The following MED15 variants were observed in gnomAD, a reference collection of about 807,000 sequenced individuals.
MED15 encodes the protein mediator of RNA polymerase II transcription subunit 15.
In MED15, 41 loss-of-function variants were observed where a neutral mutation model predicts 118.7. The ratio of observed to expected loss-of-function variants is 0.35; its 90% CI spans 0.27 to 0.45. The LOEUF (loss-of-function observed/expected upper bound fraction) is 0.45. Among genes scored for constraint, MED15 ranks in the 20% least tolerant of loss-of-function variants. The probability of loss-of-function intolerance (pLI) is 1.00; values close to 1 mark genes in which losing one functional copy is unlikely to be tolerated. For synonymous variants in MED15, 436 were observed against 413.9 expected, an observed-to-expected ratio of 1.05 and a Z score of -0.65; for missense variants, 740 against 1,025.5, an observed-to-expected ratio of 0.72 and a Z score of 3.80.
chr22:20,510,510 G>A (rs1227436066), intron 1 of MED15, among the ~76,000 whole-genome samples: 1 of 152,174 alleles, frequency 6.6e-6, no homozygotes, highest in Admixed American at 6.5e-5. Flanking sequence ...ACGTTGGCAG[G>A]GTGCATTTCT....
chr22:20,550,100 C>T (rs1159540685), intron 2 of MED15, among the ~76,000 whole-genome samples: 1 of 152,178 alleles, frequency 6.6e-6, no homozygotes, highest in Non-Finnish European at 1.5e-5. Context: ...CCCCCAGGCC[C>T]TTCTCCCCTC....
chr22:20,566,935 AG>A, intron 7 of MED15, 118 bp downstream of exon 7: 1 of 1,519,182 alleles, frequency 6.6e-7, no homozygotes, highest in Non-Finnish European at 8.8e-7. Context: ...GACTTCAGGC[AG>A]CCCCCACCCC....
chr22:20,559,466 C>T (rs1347901747), intron 5 of MED15, among the ~76,000 whole-genome samples: 2 of 152,014 alleles, frequency 1.3e-5, no homozygotes, highest in Non-Finnish European at 2.9e-5. Flanking sequence ...CCAAGCAAAG[C>T]CCCGGAAGGA....
intron 1 of MED15, among the ~76,000 whole-genome samples, chr22:20,533,585 G>A (rs957437560): frequency 7.2e-5 from 11 of 152,144 alleles, no homozygotes; most frequent in South Asian, 2.1e-4. Flanking sequence ...GCGCCTTGCC[G>A]GAGGAGCACC....
intron 1 of MED15, chr22:20,508,335 GT>G (rs1569159187): frequency 7.7e-7 from 1 of 1,304,134 alleles, no homozygotes; most frequent in East Asian, 5.5e-5. Context: ...AAGAGCTGGG[GT>G]CAGTGGCCCC....
At chr22:20,557,895 A>G (rs1200646329) in intron 5 of MED15, among the ~76,000 whole-genome samples, 1 of 152,202 alleles carries the variant, frequency 6.6e-6, no homozygotes, top group East Asian at 1.9e-4. Context: ...TCACGAGGTC[A>G]GGAGATCGAG....
chr22:20,551,432 T>G lies in MED15; in HGVS notation c.157-4T>G. On this transcript the variant is annotated splice_polypyrimidine_tract_variant and splice_region_variant and intron_variant, in intron 2 of 17. Transcript: ENST00000263205. ...ATTAAACTGCTTCCTGTTTTTACTT[T>G]TAGGACGAATACCTTTCTCTCGTGG... is the stretch of plus-strand genomic sequence containing the variant. The G allele has an allele frequency of 6.2e-7, 1 of 1,613,916 alleles. No individual in the cohort carries two copies. The highest frequency in any genetic ancestry group is 8.5e-7 in the Non-Finnish European group (1 of 1,179,748).
At chr22:20,578,426 C>G (rs165802) in intron 9 of MED15, among the ~76,000 whole-genome samples, 39,088 of 152,090 alleles carry the variant, frequency 0.26, 5,384 homozygotes, top group East Asian at 0.52. Context: ...CCTCTACGTC[C>G]GGCTGCAGTA....
chr22:20,576,191 AG>A (rs763142490), intron 9 of MED15, among the ~76,000 whole-genome samples: 4 of 152,392 alleles, frequency 2.6e-5, no homozygotes, highest in Admixed American at 6.5e-5. Context: ...CTCATCATAC[AG>A]GCTTTCCATT....
chr22:20,585,676 C>T, intron 16 of MED15, 52 bp from the exon 17 acceptor site: 7 of 1,549,068 alleles, frequency 4.5e-6, no homozygotes, highest in East Asian at 2.2e-5. Flanking sequence ...GGCTGTGAGG[C>T]AGGGCAGGCC....
intron 1 of MED15, among the ~76,000 whole-genome samples, chr22:20,525,558 C>T (rs370441554): frequency 3.5e-5 from 4 of 115,364 alleles, no homozygotes; most frequent in African/African-American, 6.9e-5. Flanking sequence ...TTTTTTGAGA[C>T]GGAGTTTCAC....
intron 2 of MED15, among the ~76,000 whole-genome samples, chr22:20,545,020 A>G (rs1277957902): frequency 6.6e-6 from 1 of 152,168 alleles, no homozygotes; most frequent in African/African-American, 2.4e-5. Flanking sequence ...GTTTAACTTC[A>G]TCATATCTGC....
chr22:20,541,869 C>T (rs982664426), intron 2 of MED15, among the ~76,000 whole-genome samples: 9 of 152,114 alleles, frequency 5.9e-5, no homozygotes, highest in African/African-American at 7.2e-5. Flanking sequence ...AGGATGGTCT[C>T]GATCTCTTGA....
At chr22:20,539,046 G>A (rs1202753812) in intron 2 of MED15, among the ~76,000 whole-genome samples, 1 of 152,042 alleles carries the variant, frequency 6.6e-6, no homozygotes, top group Non-Finnish European at 1.5e-5. Flanking sequence ...ATTTCACTTA[G>A]CATAATATTT....
intron 1 of MED15, among the ~76,000 whole-genome samples, chr22:20,518,468 C>G (rs1350247554): frequency 6.6e-6 from 1 of 152,204 alleles, no homozygotes; most frequent in Non-Finnish European, 1.5e-5. Flanking sequence ...ACCCTCTTCC[C>G]TGGTGAAGCT....
At chr22:20,577,791 C>T (rs931903707) in intron 9 of MED15, among the ~76,000 whole-genome samples, 1 of 151,836 alleles carries the variant, frequency 6.6e-6, no homozygotes, top group Non-Finnish European at 1.5e-5. Context: ...TGAGGACAAA[C>T]GCGGCAGCAT....
At chr22:20,509,926 C>T (rs1228977889) in intron 1 of MED15, among the ~76,000 whole-genome samples, 1 of 151,934 alleles carries the variant, frequency 6.6e-6, no homozygotes, top group Admixed American at 6.6e-5. Flanking sequence ...GTTAAGAGGG[C>T]TGGGAGGGTG....
chr22:20,566,553 G>A lies in MED15; in HGVS notation c.777G>A (p.Gln259=). ...QQQQQQQQQQ[Q]QQQALQAQPP... is the part of the protein sequence containing the mutation. ...AGCAGCAGCAGCAGCAGCAGCAGCAGCAGCAGCAGGCTTTGCAGGCCCAGC... is the reference window on the plus strand; with the variant it reads ...AGCAGCAGCAGCAGCAGCAGCAGCAACAGCAGCAGGCTTTGCAGGCCCAGC... Residue 259 remains glutamine (Q), a synonymous_variant, in exon 7 of 18, where the codon CAG becomes CAA. Coordinates refer to ENST00000263205, the MANE Select transcript of MED15 (RefSeq NM_001003891.3). The A allele has an allele frequency of 6.2e-7, 1 of 1,613,450 alleles. No individual in the cohort carries two copies. The highest frequency in any genetic ancestry group is 8.5e-7 in the Non-Finnish European group (1 of 1,179,750).
chr22:20,512,291 G>A (rs2054098646), intron 1 of MED15, among the ~76,000 whole-genome samples: 1 of 151,944 alleles, frequency 6.6e-6, no homozygotes, highest in Non-Finnish European at 1.5e-5. Context: ...CCTGGCCCCT[G>A]AGCTCTTTCT....
Sources: gnomAD v4.1 joint callset for allele counts (sites outside exome capture counted in the v4.1 genomes callset) on GRCh38, gnomAD v4.1.1 for gene constraint, MANE v1.5 for transcripts, NCBI Gene and HGNC (gene_info 2026-07-23, HGNC 2026-07-21) for gene names.